Variants in GABRA5 observed in about 807,000 individuals in gnomAD.
GABRA5 encodes the protein gamma-aminobutyric acid receptor subunit alpha-5.
GABRA5 carries 18 observed loss-of-function variants against 47.3 expected under a neutral mutation model. That is an observed-to-expected ratio of 0.38 (90% CI 0.26 to 0.56). The LOEUF (loss-of-function observed/expected upper bound fraction) is 0.56, where lower values mean the gene tolerates loss of function less well. GABRA5 is among the 20% of genes least tolerant of loss of function. GABRA5 has a pLI of 0.71. For missense variants in GABRA5, 365 were observed against 599.3 expected, an observed-to-expected ratio of 0.61 and a Z score of 4.08; for synonymous variants, 237 against 229.3, an observed-to-expected ratio of 1.03 and a Z score of -0.30.
intron 6 of GABRA5, among the ~76,000 whole-genome samples, chr15:26,888,030 G>T (rs1027023069): frequency 6.6e-6 from 1 of 152,142 alleles, no homozygotes; most frequent in Non-Finnish European, 1.5e-5. Flanking sequence ...CTTTAAATTA[G>T]TATTCAGAGT....
chr15:26,883,384 G>T lies in GABRA5; in HGVS notation c.324G>T (p.Arg108Ser). 1 of 1,614,004 alleles carries T rather than the reference G, an allele frequency of 6.2e-7. No individual in the cohort carries two copies. The stretch of plus-strand genomic sequence containing the variant: ...TCCGACAAAGCTGGAAAGATGAAAG[G>T]CTTCGGTTTAAGGGGCCCATGCAGC... ...VFFRQSWKDE[R>S]LRFKGPMQRL... Residue 108 changes from arginine to serine, a missense_variant, in exon 6 of 11, where the codon AGG (arginine) becomes AGT (serine). Physicochemically the swap from Arg to Ser is moderately radical, Grantham distance 110. Around this residue, in one of 3 missense-constraint regions of GABRA5, gnomAD observed 216 missense variants for 335.3 expected, o/e 0.64. Coordinates refer to ENST00000335625, the MANE Select transcript of GABRA5 (RefSeq NM_000810.4). The surrounding 1 kb of genome is among the most constrained non-coding windows in gnomAD (Gnocchi z 4.8).
rs917854467 is a variant in GABRA5 at position 26,909,895 on chromosome 15, T to G, written c.498-4908T>G. On this transcript the variant is annotated intron_variant, in intron 6 of 10. Transcript: ENST00000335625. ...TTATTTTGCCTGCCACTGTCACACC[T>G]ACTGCATTGATGCAGGATTTCCACA... is the stretch of plus-strand genomic sequence containing the variant. Among the ~76,000 whole-genome samples, 4 of 152,356 alleles carry G rather than the reference T, an allele frequency of 2.6e-5. No homozygotes were observed. The South Asian group carries it at 8.3e-4, about 32-fold the overall frequency.
At chr15:26,869,059 A>G in intron 2 of GABRA5, 116 bp from the exon 3 acceptor site, 1 of 553,532 alleles carries the variant, frequency 1.8e-6, no homozygotes, top group Non-Finnish European at 3.3e-6. Flanking sequence ...GTCCTGGGGA[A>G]GGACAGCGGG....
intron 9 of GABRA5, among the ~76,000 whole-genome samples, chr15:26,940,306 A>T (rs1332374220): frequency 6.6e-6 from 1 of 152,158 alleles, no homozygotes; most frequent in African/African-American, 2.4e-5. Context: ...ATAGTTATTT[A>T]CTTGTTGAAA....
chr15:26,915,442 A>G (rs1256377556), intron 7 of GABRA5, among the ~76,000 whole-genome samples: 1 of 152,224 alleles, frequency 6.6e-6, no homozygotes, highest in Non-Finnish European at 1.5e-5. Flanking sequence ...GTATACACTT[A>G]TACAATTCTA....
At chr15:26,899,690 C>T (rs541912940) in intron 6 of GABRA5, among the ~76,000 whole-genome samples, 8 of 152,214 alleles carry the variant, frequency 5.3e-5, no homozygotes, top group African/African-American at 1.9e-4. Flanking sequence ...ATCTTTGTCT[C>T]TTGCAACAAA....
intron 9 of GABRA5, among the ~76,000 whole-genome samples, chr15:26,942,496 A>C (rs186364774): frequency 8.3e-4 from 127 of 152,302 alleles, no homozygotes; most frequent in Non-Finnish European, 1.5e-3. Context: ...ACCTGTTTGC[A>C]GGGAGCCCTC....
Position 26,885,128 on chromosome 15 carries a change from C to G in GABRA5, c.497+1571C>G, listed in dbSNP as rs529969946. On this transcript the variant is annotated intron_variant, in intron 6 of 10. Transcript: ENST00000335625. ...TGGCTAACTTGGTGAAACCCCGTCT[C>G]TACTAAAAAAAATACAAAAAATTAG... Among the ~76,000 whole-genome samples the G allele has an allele frequency of 2.0e-5, 3 of 151,990 alleles. No homozygotes were observed. In the East Asian group the frequency reaches 5.8e-4, roughly 30 times the overall value.
chr15:26,941,739 T>C (rs1894389042), intron 9 of GABRA5, among the ~76,000 whole-genome samples: 1 of 152,128 alleles, frequency 6.6e-6, no homozygotes, highest in Non-Finnish European at 1.5e-5. Context: ...GTTCCTGGCC[T>C]GTCTCCTGGC....
Position 26,914,921 on chromosome 15 carries a change from T to C in GABRA5, c.580+36T>C, listed in dbSNP as rs1789305834. On this transcript the variant is annotated intron_variant, in intron 7 of 10. Transcript: ENST00000335625. ...TTCACAAGTAAGAGCCTTGGACATA[T>C]ACTTTGGGGATCAATTCCACATTTA... 2.6e-6 allele frequency: 4 copies of C among 1,520,950 alleles called. No homozygotes were observed. In the South Asian group the frequency reaches 3.4e-5, roughly 13 times the overall value. The allele number at this position is 1,520,950 out of a possible 1,614,324, so 94.2% of individuals were successfully genotyped here. A position where few individuals can be genotyped will look rare whatever the true frequency, so the allele number is the denominator to read the frequency against.
At chr15:26,901,883 G>T (rs1893335843) in intron 6 of GABRA5, among the ~76,000 whole-genome samples, 1 of 152,080 alleles carries the variant, frequency 6.6e-6, no homozygotes, top group Non-Finnish European at 1.5e-5. Context: ...TGCCCATTTG[G>T]TCCAGCACTT....
chr15:26,869,835 A>C lies in GABRA5; in HGVS notation c.86+501A>C, dbSNP rs548422716. Among the ~76,000 whole-genome samples the C allele has an allele frequency of 6.6e-5, 10 of 152,372 alleles. No individual in the cohort carries two copies. The South Asian group carries it at 1.7e-3, about 25-fold the overall frequency. Reference sequence around the variant, plus strand: ...CCTAGAACTGTGACCATCTGAATGCAGGTGCAGACACCATAAACCACAGGT... The same window carrying C: ...CCTAGAACTGTGACCATCTGAATGCCGGTGCAGACACCATAAACCACAGGT... On this transcript the variant is annotated intron_variant, in intron 3 of 10. Coordinates refer to ENST00000335625, the MANE Select transcript of GABRA5 (RefSeq NM_000810.4).
chr15:26,926,982 C>A (rs113794529), intron 7 of GABRA5, among the ~76,000 whole-genome samples: 9,384 of 152,142 alleles, frequency 0.062, 990 homozygotes, highest in African/African-American at 0.22. Context: ...TCTTCACTTT[C>A]TATATTCAGT....
chr15:26,896,159 G>A (rs1490611120), intron 6 of GABRA5, among the ~76,000 whole-genome samples: 1 of 152,184 alleles, frequency 6.6e-6, no homozygotes, highest in Non-Finnish European at 1.5e-5. Context: ...TCCTTTTTAA[G>A]GGCTCTGAAG....
intron 6 of GABRA5, among the ~76,000 whole-genome samples, chr15:26,910,070 G>GT (rs5811464): frequency 0.17 from 25,564 of 151,032 alleles, 2,213 homozygotes; most frequent in East Asian, 0.25. Flanking sequence ...TGAAATAAAT[G>GT]TTTTTTTTTC....
intron 7 of GABRA5, among the ~76,000 whole-genome samples, chr15:26,932,602 A>G (rs1894134753): frequency 6.6e-6 from 1 of 152,210 alleles, no homozygotes; most frequent in African/African-American, 2.4e-5. Context: ...TGACCTGGCA[A>G]TCCCATAACT....
chr15:26,913,884 C>G (rs1893659048), intron 6 of GABRA5, among the ~76,000 whole-genome samples: 2 of 152,112 alleles, frequency 1.3e-5, no homozygotes, highest in African/African-American at 4.8e-5. Context: ...GGCCAGGCAG[C>G]CTGGGTGATT....
chr15:26,920,234 C>G (rs1249595758), intron 7 of GABRA5, among the ~76,000 whole-genome samples: 8 of 151,986 alleles, frequency 5.3e-5, no homozygotes, highest in Non-Finnish European at 7.4e-5. Context: ...CCTTTTGAAA[C>G]TCAGTATACA....
chr15:26,882,615 A>G (rs908627653), intron 4 of GABRA5, among the ~76,000 whole-genome samples: 6 of 152,214 alleles, frequency 3.9e-5, no homozygotes, highest in Non-Finnish European at 7.3e-5. Flanking sequence ...AGGGCTTTCT[A>G]TAATAACAGT....
Sources: allele counts gnomAD v4.1 joint callset (sites outside exome capture counted in the v4.1 genomes callset), GRCh38; gene constraint gnomAD v4.1.1; regional missense constraint gnomAD v4.1.1; non-coding constraint Gnocchi (gnomAD v3.1); transcripts MANE v1.5; gene names NCBI Gene and HGNC (gene_info 2026-07-23, HGNC 2026-07-21).